Variants in SLC25A48 observed in about 807,000 individuals in gnomAD.
The protein encoded by SLC25A48 is CTC-321K16.1.
Under a neutral mutation model 32.2 loss-of-function variants are expected in SLC25A48, and 29 were observed. The ratio of observed to expected loss-of-function variants is 0.90; its 90% CI spans 0.67 to 1.23. The LOEUF (loss-of-function observed/expected upper bound fraction) is 1.23, where lower values mean the gene tolerates loss of function less well. SLC25A48 is among the 50% of genes most tolerant of loss of function. The pLI is 0.00. For missense variants in SLC25A48, 399 were observed against 422.7 expected (o/e 0.94, Z 0.49); for synonymous variants, 164 against 172.3 (o/e 0.95, Z 0.38).
chr5:135,794,698 TGAC>T (rs940818992), intron 3 of SLC25A48, among the ~76,000 whole-genome samples: 1 of 150,618 alleles, frequency 6.6e-6, no homozygotes, highest in Non-Finnish European at 1.5e-5. Flanking sequence ...GGGGAGAGGA[TGAC>T]ATTACTTAAA....
intron 1 of SLC25A48, among the ~76,000 whole-genome samples, chr5:135,608,456 C>T (rs1751990635): frequency 6.6e-6 from 1 of 152,204 alleles, no homozygotes; most frequent in Non-Finnish European, 1.5e-5. Context: ...TCTCCATGAG[C>T]AATGACTCTG....
chr5:135,620,424 G>A (rs1293756901), intron 1 of SLC25A48, among the ~76,000 whole-genome samples: 2 of 152,158 alleles, frequency 1.3e-5, no homozygotes, highest in Non-Finnish European at 2.9e-5. Context: ...CTATAAGCAT[G>A]CACAGGTAGG....
At chr5:135,883,663 A>C (rs2126844936) in intron 7 of SLC25A48, among the ~76,000 whole-genome samples, 1 of 152,286 alleles carries the variant, frequency 6.6e-6, no homozygotes, top group Non-Finnish European at 1.5e-5. Context: ...GTGGTTGAAC[A>C]GGGTGATGAG....
intron 3 of SLC25A48, among the ~76,000 whole-genome samples, chr5:135,773,411 G>A (rs937035309): frequency 9.4e-5 from 14 of 149,638 alleles, no homozygotes; most frequent in Non-Finnish European, 1.5e-4. Flanking sequence ...AATCCAGGGG[G>A]CAGAGGATGA....
intron 3 of SLC25A48, among the ~76,000 whole-genome samples, chr5:135,801,952 A>T (rs949484019): frequency 6.6e-6 from 1 of 151,760 alleles, no homozygotes; most frequent in Non-Finnish European, 1.5e-5. Flanking sequence ...ATTACTCCCA[A>T]TATTGCAGTG....
chr5:135,723,394 AC>A (rs1755015153), intron 3 of SLC25A48, among the ~76,000 whole-genome samples: 56 of 150,354 alleles, frequency 3.7e-4, no homozygotes, highest in East Asian at 5.9e-4. Context: ...ACACACACAC[AC>A]ACACACACAC....
intron 7 of SLC25A48, among the ~76,000 whole-genome samples, chr5:135,884,771 GCA>G (rs1179132406): frequency 6.6e-6 from 1 of 152,176 alleles, no homozygotes; most frequent in Non-Finnish European, 1.5e-5. Context: ...AGGCATGCTT[GCA>G]CAGTTTGTTT....
At chr5:135,611,571 G>T (rs547832247) in intron 1 of SLC25A48, among the ~76,000 whole-genome samples, 1 of 144,560 alleles carries the variant, frequency 6.9e-6, no homozygotes, top group Non-Finnish European at 1.5e-5. Flanking sequence ...AATAAGCTGG[G>T]TATGGTGGCA....
chr5:135,632,229 C>T (rs1752592840), intron 2 of SLC25A48, among the ~76,000 whole-genome samples: 1 of 152,152 alleles, frequency 6.6e-6, no homozygotes, highest in Non-Finnish European at 1.5e-5. Flanking sequence ...CATGGGGAGC[C>T]ACTAAAAGGT....
intron 3 of SLC25A48, among the ~76,000 whole-genome samples, chr5:135,721,620 A>G (rs1157193057): frequency 2.6e-5 from 4 of 152,202 alleles, no homozygotes; most frequent in Non-Finnish European, 4.4e-5. Context: ...TACCAGCTGG[A>G]TGGTGTGAGC....
At chr5:135,724,972 G>A (rs749713911) in intron 3 of SLC25A48, among the ~76,000 whole-genome samples, 1 of 152,258 alleles carries the variant, frequency 6.6e-6, no homozygotes, top group Non-Finnish European at 1.5e-5. Flanking sequence ...TGGCCTGCCT[G>A]GTCAGGCTTA....
chr5:135,736,278 A>G (rs540717991), intron 3 of SLC25A48, among the ~76,000 whole-genome samples: 41 of 152,304 alleles, frequency 2.7e-4, no homozygotes, highest in African/African-American at 9.9e-4. Context: ...TTTTTCGACA[A>G]AAATTATCTA....
intron 4 of SLC25A48, among the ~76,000 whole-genome samples, chr5:135,863,465 G>A (rs528452562): frequency 3.3e-5 from 5 of 152,282 alleles, no homozygotes; most frequent in South Asian, 2.1e-4. Context: ...AACACCAAGC[G>A]AGCTGCAAAT....
At chr5:135,643,285 G>T (rs1258998839) in intron 3 of SLC25A48, among the ~76,000 whole-genome samples, 2 of 152,208 alleles carry the variant, frequency 1.3e-5, no homozygotes, top group Admixed American at 6.5e-5. Context: ...CAGAGTCCTT[G>T]TGTGTTTTCA....
intron 1 of SLC25A48, among the ~76,000 whole-genome samples, chr5:135,595,907 C>T (rs946971904): frequency 6.6e-6 from 1 of 152,142 alleles, no homozygotes; most frequent in African/African-American, 2.4e-5. Context: ...CTAGCAGGCA[C>T]GATCACAAGC....
intron 3 of SLC25A48, among the ~76,000 whole-genome samples, chr5:135,775,822 G>A (rs1165757207): frequency 1.3e-5 from 2 of 151,480 alleles, no homozygotes; most frequent in African/African-American, 4.8e-5. Context: ...ATGCTATTAC[G>A]CCCAATATCG....
chr5:135,584,585 A>G (rs1264985469), intron 1 of SLC25A48, among the ~76,000 whole-genome samples: 1 of 152,268 alleles, frequency 6.6e-6, no homozygotes, highest in Non-Finnish European at 1.5e-5. Context: ...AGTTATATTT[A>G]TAGTATGGTA....
At chr5:135,861,501 A>G (rs1056601319) in intron 4 of SLC25A48, among the ~76,000 whole-genome samples, 5 of 152,226 alleles carry the variant, frequency 3.3e-5, no homozygotes, top group Middle Eastern at 3.2e-3. Flanking sequence ...TATAGTAGCT[A>G]CTTTATAGCT....
intron 1 of SLC25A48, among the ~76,000 whole-genome samples, chr5:135,626,834 T>C (rs1167060441): frequency 6.6e-6 from 1 of 152,038 alleles, no homozygotes; most frequent in Non-Finnish European, 1.5e-5. Flanking sequence ...GTTTGGGTGA[T>C]TTTTGCCTGC....
Sources: gnomAD v4.1 joint callset for allele counts (sites outside exome capture counted in the v4.1 genomes callset) on GRCh38, gnomAD v4.1.1 for gene constraint, MANE v1.5 for transcripts, NCBI Gene and HGNC (gene_info 2026-07-23, HGNC 2026-07-21) for gene names.